Variants in DKK2 observed in about 807,000 individuals in gnomAD.
The protein encoded by DKK2 is dickkopf Wnt signaling pathway inhibitor 2.
DKK2 carries 11 observed loss-of-function variants against 28.1 expected under a neutral mutation model. The observed-to-expected ratio is 0.39, with a 90% CI of 0.25 to 0.65. The LOEUF is 0.65. DKK2 is among the 30% of genes least tolerant of loss of function. The probability of loss-of-function intolerance (pLI) is 0.47; values close to 1 mark genes in which losing one functional copy is unlikely to be tolerated. For missense variants in DKK2, 326 were observed against 335.5 expected (o/e 0.97, Z 0.22); for synonymous variants, 135 against 126.5 (o/e 1.07, Z -0.45).
chr4:106,947,568 G>A (rs900409326), intron 1 of DKK2, among the ~76,000 whole-genome samples: 7 of 151,880 alleles, frequency 4.6e-5, no homozygotes, highest in Non-Finnish European at 7.4e-5. Flanking sequence ...TATCTGTACC[G>A]TACCTTCTCT....
chr4:107,025,886 A>G (rs1405983631), intron 1 of DKK2, among the ~76,000 whole-genome samples: 2 of 152,246 alleles, frequency 1.3e-5, no homozygotes, highest in Non-Finnish European at 2.9e-5. Context: ...ATTTAAGGCA[A>G]CTGAATGTAA....
intron 1 of DKK2, among the ~76,000 whole-genome samples, chr4:106,970,061 C>T (rs1055482558): frequency 4.6e-5 from 7 of 152,102 alleles, no homozygotes; most frequent in Admixed American, 3.3e-4. Flanking sequence ...CTTCAGTGCA[C>T]GTAAGCCAGG....
chr4:106,940,443 A>C (rs1292794122), intron 1 of DKK2, among the ~76,000 whole-genome samples: 1 of 151,082 alleles, frequency 6.6e-6, no homozygotes, highest in African/African-American at 2.4e-5. Context: ...GGCAATCATT[A>C]AAAAGTCAGG....
chr4:107,003,317 T>A (rs1297767883), intron 1 of DKK2, among the ~76,000 whole-genome samples: 1 of 152,202 alleles, frequency 6.6e-6, no homozygotes, highest in Non-Finnish European at 1.5e-5. Flanking sequence ...GATCTGCACA[T>A]CAGGACCACT....
At chr4:107,005,768 T>C (rs1186040304) in intron 1 of DKK2, among the ~76,000 whole-genome samples, 1 of 152,226 alleles carries the variant, frequency 6.6e-6, no homozygotes, top group Non-Finnish European at 1.5e-5. Flanking sequence ...TAGATTCATA[T>C]ACTCACCATT....
At chr4:106,926,000 C>A (rs745868512) in intron 1 of DKK2, 51 bp from the exon 2 acceptor site, 2 of 1,530,930 alleles carry the variant, frequency 1.3e-6, no homozygotes, top group Non-Finnish European at 1.8e-6. Context: ...TCGTGTTTCA[C>A]TTATGAAACA....
Position 106,923,759 on chromosome 4 carries a change from G to T in DKK2, c.*195C>A. On this transcript the variant is annotated 3_prime_UTR_variant, in exon 4 of 4. Coordinates refer to ENST00000285311, the MANE Select transcript of DKK2 (RefSeq NM_014421.3). The stretch of plus-strand genomic sequence containing the variant: ...AGACAAGTTGCATAATGGAAACACT[G>T]GCTGCACTGCATTTGTCACCCATTC... 1.5e-6 allele frequency: 1 copy of T among 684,900 alleles called. No individual in the cohort carries two copies. The highest frequency in any genetic ancestry group is 2.4e-6 in the Non-Finnish European group (1 of 422,616). 42.4% of individuals were successfully genotyped at this position (684,900 alleles called of 1,614,324 possible). A position where few individuals can be genotyped will look rare whatever the true frequency, so the allele number is the denominator to read the frequency against.
At chr4:107,014,951 C>T (rs1320118996) in intron 1 of DKK2, among the ~76,000 whole-genome samples, 4 of 151,462 alleles carry the variant, frequency 2.6e-5, no homozygotes, top group Non-Finnish European at 5.9e-5. Flanking sequence ...TGTTAATCTA[C>T]CCTAATTTAT....
At chr4:106,966,970 A>C (rs181467831) in intron 1 of DKK2, among the ~76,000 whole-genome samples, 87 of 152,256 alleles carry the variant, frequency 5.7e-4, no homozygotes, top group Middle Eastern at 6.8e-3. Flanking sequence ...AATTTCCTTC[A>C]TTACTATAGT....
intron 1 of DKK2, among the ~76,000 whole-genome samples, chr4:106,930,885 A>G (rs942732060): frequency 2.0e-5 from 3 of 152,164 alleles, no homozygotes; most frequent in Non-Finnish European, 4.4e-5. Context: ...AAGATTGGCA[A>G]TTACATTTGG....
chr4:106,965,829 A>C (rs545394295), intron 1 of DKK2, among the ~76,000 whole-genome samples: 110 of 143,914 alleles, frequency 7.6e-4, no homozygotes, highest in South Asian at 4.0e-3. Context: ...CCCACCTATG[A>C]GTGAGAATAT....
intron 1 of DKK2, among the ~76,000 whole-genome samples, chr4:106,944,983 G>C (rs1187993480): frequency 6.6e-6 from 1 of 152,076 alleles, no homozygotes. Flanking sequence ...ATTGGATGAA[G>C]TGATGTTTAT....
intron 1 of DKK2, among the ~76,000 whole-genome samples, chr4:106,951,477 TAGACACAA>T (rs1367921435): frequency 6.6e-6 from 1 of 152,138 alleles, no homozygotes; most frequent in East Asian, 1.9e-4. Context: ...ATGTGGCATA[TAGACACAA>T]TGCAATACTA....
rs1560592053 is a variant in DKK2, at chr4:107,014,213, A to G, written c.222+21157T>C. Among the ~76,000 whole-genome samples the G allele has an allele frequency of 3.3e-5, 5 of 151,564 alleles. No individual in the cohort carries two copies. The South Asian group carries it at 8.3e-4, about 25-fold the overall frequency. The stretch of plus-strand genomic sequence containing the variant: ...CATGTTTATTGTAGCATGATTTACA[A>G]TAGTCAAGAGATGGAATCAACCTAA... On this transcript the variant is annotated intron_variant, in intron 1 of 3. Transcript: ENST00000285311.
At chr4:106,981,053 T>C (rs964599148) in intron 1 of DKK2, among the ~76,000 whole-genome samples, 38 of 152,288 alleles carry the variant, frequency 2.5e-4, no homozygotes, top group African/African-American at 7.2e-4. Context: ...TGGAATTTGC[T>C]GATAATTTTG....
At chr4:106,947,189 A>T (rs1448114934) in intron 1 of DKK2, among the ~76,000 whole-genome samples, 1 of 152,024 alleles carries the variant, frequency 6.6e-6, no homozygotes, top group African/African-American at 2.4e-5. Context: ...TCAGAGTAAA[A>T]ATTTTCCAGG....
At chr4:106,992,715 C>T (rs910771796) in intron 1 of DKK2, among the ~76,000 whole-genome samples, 3 of 152,192 alleles carry the variant, frequency 2.0e-5, no homozygotes, top group South Asian at 2.1e-4. Context: ...GTCTTCACAG[C>T]AACCCTCTCG....
chr4:107,013,828 T>G (rs148908369), intron 1 of DKK2, among the ~76,000 whole-genome samples: 166 of 151,532 alleles, frequency 1.1e-3, no homozygotes, highest in African/African-American at 3.9e-3. Context: ...TATAAGGAAC[T>G]CAAACCACTC....
intron 1 of DKK2, among the ~76,000 whole-genome samples, chr4:106,981,402 C>A (rs1723025444): frequency 6.6e-6 from 1 of 152,052 alleles, no homozygotes. Flanking sequence ...ATTTTCCCCT[C>A]TTATTTAAAG....
Sources: allele counts gnomAD v4.1 joint callset (sites outside exome capture counted in the v4.1 genomes callset), GRCh38; gene constraint gnomAD v4.1.1; transcripts MANE v1.5; gene names NCBI Gene and HGNC (gene_info 2026-07-23, HGNC 2026-07-21).